The following VSNL1 variants were observed in gnomAD, a reference collection of about 807,000 sequenced individuals.
The protein encoded by VSNL1 is visinin-like protein 1.
A neutral mutation model predicts 20.4 loss-of-function variants in VSNL1; 6 were observed. That is an observed-to-expected ratio of 0.29 (90% CI 0.16 to 0.58). The LOEUF is 0.58. VSNL1 is among the 20% of genes least tolerant of loss of function. VSNL1 has a pLI of 0.90. For synonymous variants in VSNL1, 93 were observed against 86.4 expected (o/e 1.08, Z -0.42); for missense variants, 100 against 234.5 (o/e 0.43, Z 3.75).
chr2:17,589,207 A>G (rs1439224068), intron 1 of VSNL1, among the ~76,000 whole-genome samples: 4 of 152,334 alleles, frequency 2.6e-5, no homozygotes, highest in South Asian at 4.1e-4. Context: ...ATGCAGAGCC[A>G]TGGAAGTGTG....
Position 17,649,668 on chromosome 2 carries a change from A to T in VSNL1, c.378+43A>T. The T allele has an allele frequency of 6.3e-7, 1 of 1,599,316 alleles. No homozygotes were observed. The highest frequency in any genetic ancestry group is 8.6e-7 in the Non-Finnish European group (1 of 1,168,490). On this transcript the variant is annotated intron_variant, in intron 3 of 3. Transcript: ENST00000295156. The surrounding 1 kb of genome is among the most constrained non-coding windows in gnomAD (Gnocchi z 6.4). ...GTTGGCGGGTGGTGGGCACAGAAGG[A>T]GACCCCACGGCAGCCTCCTAGGTGC...
At chr2:17,540,427 A>G (rs999292305), upstream of VSNL1, among the ~76,000 whole-genome samples, 3 of 152,242 alleles carry the variant, frequency 2.0e-5, no homozygotes, top group Non-Finnish European at 4.4e-5. Flanking sequence ...TTGCTCCGGT[A>G]GCCGGACTCC....
intron 1 of VSNL1, chr2:17,541,498 T>C (rs1663284336): frequency 6.6e-6 from 1 of 152,118 alleles, no homozygotes; most frequent in South Asian, 2.1e-4. Flanking sequence ...ATTTTTTTCG[T>C]CTTTGATTTT....
At chr2:17,578,801 G>A (rs910484771) in intron 1 of VSNL1, among the ~76,000 whole-genome samples, 6 of 152,226 alleles carry the variant, frequency 3.9e-5, no homozygotes, top group African/African-American at 1.4e-4. Context: ...CTTCACAAAG[G>A]CCCAGCAAGG....
At chr2:17,639,828 T>G (rs971047687) in intron 2 of VSNL1, among the ~76,000 whole-genome samples, 3 of 152,238 alleles carry the variant, frequency 2.0e-5, no homozygotes, top group African/African-American at 7.2e-5. Flanking sequence ...GGCACACTAC[T>G]GTTCAATAGT....
chr2:17,544,091 T>A (rs549645472), intron 1 of VSNL1, among the ~76,000 whole-genome samples: 1 of 152,304 alleles, frequency 6.6e-6, no homozygotes, highest in Non-Finnish European at 1.5e-5. Flanking sequence ...ATGATTGGAA[T>A]GCAAGGCCAG....
chr2:17,620,234 C>T (rs761065157), intron 2 of VSNL1, among the ~76,000 whole-genome samples: 3 of 152,144 alleles, frequency 2.0e-5, no homozygotes, highest in African/African-American at 4.8e-5. Flanking sequence ...ACCCTGGAGA[C>T]GTGAGCCAGG....
intron 2 of VSNL1, among the ~76,000 whole-genome samples, chr2:17,647,740 T>C (rs993960899): frequency 2.2e-4 from 33 of 152,146 alleles, no homozygotes; most frequent in African/African-American, 7.7e-4. Flanking sequence ...TCTCCTCTGT[T>C]CTAGTTCTTA....
chr2:17,645,815 C>G lies in VSNL1; in HGVS notation c.163-3595C>G, dbSNP rs553416134. On this transcript the variant is annotated intron_variant, in intron 2 of 3. Transcript: ENST00000295156. ...CTGGGGTTTTCTTCTGCAGGTTGTT[C>G]GGTTCAGGGACAGGGTATGGAGTAC... Among the ~76,000 whole-genome samples the G allele has an allele frequency of 2.6e-5, 4 of 150,982 alleles. No homozygotes were observed. In the East Asian group the frequency reaches 7.7e-4, roughly 29 times the overall value.
At chr2:17,578,488 T>C (rs1664270100) in intron 1 of VSNL1, among the ~76,000 whole-genome samples, 1 of 152,226 alleles carries the variant, frequency 6.6e-6, no homozygotes, top group African/African-American at 2.4e-5. Flanking sequence ...TGGAAACATG[T>C]CCCTTCAAAC....
intron 1 of VSNL1, among the ~76,000 whole-genome samples, chr2:17,560,622 G>C (rs1466313876): frequency 6.6e-6 from 1 of 151,932 alleles, no homozygotes; most frequent in Non-Finnish European, 1.5e-5. Context: ...ATGAATTTCG[G>C]GCATATTAAA....
intron 1 of VSNL1, among the ~76,000 whole-genome samples, chr2:17,590,615 C>T (rs1290530824): frequency 6.6e-6 from 1 of 152,116 alleles, no homozygotes; most frequent in Non-Finnish European, 1.5e-5. Flanking sequence ...GGAAATTTCC[C>T]TGGAAGTAGC....
rs969194017 is a variant in VSNL1, at chr2:17,634,701, C to T, written c.163-14709C>T. Among the ~76,000 whole-genome samples the T allele has an allele frequency of 1.3e-5, 2 of 152,134 alleles. No homozygotes were observed. The highest frequency in any genetic ancestry group is 2.9e-5 in the Non-Finnish European group (2 of 68,012). ...AGGAAAACAGGTATTTTTGTATGTTCGTTTTTTGTTTTGCTGAGATCACAA... is the reference window on the plus strand; with the variant it reads ...AGGAAAACAGGTATTTTTGTATGTTTGTTTTTTGTTTTGCTGAGATCACAA... On this transcript the variant is annotated intron_variant, in intron 2 of 3. Transcript: ENST00000295156. This position sits in a 1 kb window ranked among gnomAD's most constrained non-coding sequence, Gnocchi z 4.3.
intron 2 of VSNL1, among the ~76,000 whole-genome samples, chr2:17,637,331 G>C (rs1269477953): frequency 6.6e-6 from 1 of 152,234 alleles, no homozygotes; most frequent in East Asian, 1.9e-4. Flanking sequence ...TACACCAGGA[G>C]GGGTGGAGGA....
chr2:17,653,464 C>G (rs898143011), intron 3 of VSNL1, among the ~76,000 whole-genome samples: 2 of 152,206 alleles, frequency 1.3e-5, no homozygotes, highest in African/African-American at 2.4e-5. Context: ...AAATTCCAGA[C>G]AGTACACATT....
At chr2:17,596,013 G>A (rs1460431053) in intron 2 of VSNL1, among the ~76,000 whole-genome samples, 1 of 152,150 alleles carries the variant, frequency 6.6e-6, no homozygotes, top group Non-Finnish European at 1.5e-5. Context: ...TACTTGGGTT[G>A]TCAACACATT....
chr2:17,569,238 C>A (rs1033456266), intron 1 of VSNL1, among the ~76,000 whole-genome samples: 1 of 151,474 alleles, frequency 6.6e-6, no homozygotes, highest in South Asian at 2.1e-4. Flanking sequence ...ACTCAGGAGG[C>A]TGAGGTTGCA....
At chr2:17,577,876 A>G (rs1263627723) in intron 1 of VSNL1, among the ~76,000 whole-genome samples, 2 of 152,008 alleles carry the variant, frequency 1.3e-5, no homozygotes, top group Non-Finnish European at 1.5e-5. Flanking sequence ...ATAGTTTACA[A>G]TGGCTAAGGG....
chr2:17,562,694 A>G (rs1349231371), intron 1 of VSNL1, among the ~76,000 whole-genome samples: 1 of 152,202 alleles, frequency 6.6e-6, no homozygotes, highest in African/African-American at 2.4e-5. Flanking sequence ...AAGGATAAAC[A>G]TCAGAACTAG....
Sources: allele counts gnomAD v4.1 joint callset (sites outside exome capture counted in the v4.1 genomes callset), GRCh38; gene constraint gnomAD v4.1.1; non-coding constraint Gnocchi (gnomAD v3.1); transcripts MANE v1.5; gene names NCBI Gene and HGNC (gene_info 2026-07-23, HGNC 2026-07-21).